The following NSUN7 variants were observed in gnomAD, a reference collection of about 807,000 sequenced individuals.
NSUN7 encodes protein NSUN7.
Under a neutral mutation model 58.5 loss-of-function variants are expected in NSUN7, and 39 were observed. That is an observed-to-expected ratio of 0.67 (90% CI 0.52 to 0.87). The LOEUF (loss-of-function observed/expected upper bound fraction) is 0.87. NSUN7 is among the 40% of genes least tolerant of loss of function. The pLI is 0.00. For missense variants in NSUN7, 765 were observed against 844.1 expected (o/e 0.91, Z 1.16); for synonymous variants, 278 against 303.7 (o/e 0.92, Z 0.88).
chr4:40,786,690 G>A, intron 7 of NSUN7: 1 of 1,577,672 alleles, frequency 6.3e-7, no homozygotes, highest in East Asian at 2.2e-5. Context: ...GAAAAATGTT[G>A]CGGCAACAGA....
At chr4:40,807,236 A>G in intron 11 of NSUN7, 52 bp downstream of exon 11, 2 of 1,489,564 alleles carry the variant, frequency 1.3e-6, no homozygotes, top group South Asian at 2.5e-5. Context: ...AATAAACTAC[A>G]AAGCCTCATA....
intron 7 of NSUN7, chr4:40,786,847 A>G: frequency 1.2e-6 from 1 of 857,828 alleles, no homozygotes; most frequent in Admixed American, 2.9e-5. Context: ...TTTGTTGAAC[A>G]ATCAGATGCC....
chr4:40,787,096 C>A (rs1173505900), intron 7 of NSUN7, among the ~76,000 whole-genome samples: 1 of 148,584 alleles, frequency 6.7e-6, no homozygotes, highest in Non-Finnish European at 1.5e-5. Context: ...ATAAAGATGG[C>A]AGGAATTAAT....
At chr4:40,784,081 C>T (rs1358222580) in intron 7 of NSUN7, among the ~76,000 whole-genome samples, 2 of 152,130 alleles carry the variant, frequency 1.3e-5, no homozygotes, top group Admixed American at 6.5e-5. Context: ...CAAATCAAAA[C>T]CATAATGAAA....
chr4:40,760,399 T>C, intron 2 of NSUN7, 35 bp from the exon 3 acceptor site: 4 of 1,546,970 alleles, frequency 2.6e-6, no homozygotes, highest in Non-Finnish European at 3.6e-6. Context: ...TTCCGCTTTG[T>C]ATTTTCAGTA....
chr4:40,750,996 G>A lies in NSUN7; in HGVS notation c.298+5G>A. The A allele has an allele frequency of 6.2e-7, 1 of 1,611,798 alleles. No homozygotes were observed. The highest frequency in any genetic ancestry group is 8.5e-7 in the Non-Finnish European group (1 of 1,178,138). On this transcript the variant is annotated splice_donor_5th_base_variant and intron_variant, in intron 2 of 11. Transcript: ENST00000381782. ...TGGCTTTCAGTGCCCTGAAATGTGA[G>A]TTGTGCCAGTCTGGAAGATCAACAC...
intron 8 of NSUN7, among the ~76,000 whole-genome samples, chr4:40,792,475 GGA>G (rs1743114938): frequency 1.3e-5 from 2 of 152,224 alleles, no homozygotes; most frequent in African/African-American, 2.4e-5. Flanking sequence ...ATACTGGCCG[GGA>G]GCGGTGGCTC....
chr4:40,774,344 G>A lies in NSUN7; in HGVS notation c.568G>A (p.Glu190Lys). 1 of 1,613,974 alleles carries A rather than the reference G, an allele frequency of 6.2e-7. No homozygotes were observed. Among genetic ancestry groups the A allele is most frequent in the Non-Finnish European group, 8.5e-7 (1 of 1,179,900 alleles). The change falls in exon 5 of 12, where the codon GAA becomes AAA. Residue 190 changes from glutamate (E) to lysine (K), a missense_variant. Physicochemically the swap from Glu to Lys is moderately conservative, Grantham distance 56. Coordinates refer to ENST00000381782, the MANE Select transcript of NSUN7 (RefSeq NM_024677.6). ...DALSIYHILP[E>K]TVRKQELRAS... ...CCTTTCAATTTACCACATCCTTCCA[G>A]AAACAGTTAGGAAACAGGAACTAAG...
In NSUN7 at chr4:40,771,450, C is replaced by T. The variant is rs149590510; in HGVS notation, c.489-2815C>T. Among the ~76,000 whole-genome samples, 1,170 of 152,258 alleles carry T rather than the reference C, an allele frequency of 7.7e-3. 12 individuals carry two copies. Among genetic ancestry groups the T allele is most frequent in the Non-Finnish European group, 0.012 (787 of 68,022 alleles). ...CATGCACGCCAGTTGGGCTTGAACT[C>T]TGCAATCAAATTACCTGAATTCAGA... On this transcript the variant is annotated intron_variant, in intron 4 of 11. Coordinates refer to ENST00000381782, the MANE Select transcript of NSUN7 (RefSeq NM_024677.6).
intron 2 of NSUN7, among the ~76,000 whole-genome samples, chr4:40,754,964 G>A (rs1271810690): frequency 1.3e-5 from 2 of 152,162 alleles, no homozygotes; most frequent in Admixed American, 1.3e-4. Context: ...GAAATGAAGA[G>A]TGCCATTATT....
chr4:40,785,613 G>A (rs1031375702), intron 7 of NSUN7, among the ~76,000 whole-genome samples: 2 of 151,922 alleles, frequency 1.3e-5, no homozygotes, highest in East Asian at 1.9e-4. Flanking sequence ...CACCCGCCTC[G>A]GCCTCCCAAA....
chr4:40,787,044 A>G (rs115192801), intron 7 of NSUN7, among the ~76,000 whole-genome samples: 1,637 of 152,274 alleles, frequency 0.011, 39 homozygotes, highest in African/African-American at 0.036. Context: ...GTGAAAAAAA[A>G]AAAAGAAAAA....
At chr4:40,763,312 C>T (rs1218281239) in intron 4 of NSUN7, among the ~76,000 whole-genome samples, 5 of 152,158 alleles carry the variant, frequency 3.3e-5, no homozygotes, top group Non-Finnish European at 7.3e-5. Flanking sequence ...AAGGATCTTG[C>T]GCCTGTTTAC....
chr4:40,750,642 C>T lies in NSUN7; in HGVS notation c.-52C>T. 1 of 1,583,704 alleles carries T rather than the reference C, an allele frequency of 6.3e-7. No homozygotes were observed. The highest frequency in any genetic ancestry group is 8.6e-7 in the Non-Finnish European group (1 of 1,162,550). On this transcript the variant is annotated 5_prime_UTR_variant, in exon 2 of 12. Transcript: ENST00000381782. Reference sequence around the variant, plus strand: ...ATGCGAGGAAAGCCGTTTCCTGGAACATCGGAATTCTAACCCCAGGGTGAA... The same window carrying T: ...ATGCGAGGAAAGCCGTTTCCTGGAATATCGGAATTCTAACCCCAGGGTGAA...
At chr4:40,760,046 A>G (rs1465009842) in intron 2 of NSUN7, among the ~76,000 whole-genome samples, 1 of 152,214 alleles carries the variant, frequency 6.6e-6, no homozygotes, top group Non-Finnish European at 1.5e-5. Context: ...TCAAAAACAA[A>G]CAAAACCAAA....
intron 10 of NSUN7, among the ~76,000 whole-genome samples, chr4:40,803,084 A>G (rs916002560): frequency 3.3e-5 from 5 of 151,114 alleles, no homozygotes; most frequent in African/African-American, 4.9e-5. Flanking sequence ...ATGATTTCCA[A>G]TTTCATCCAT....
chr4:40,757,891 C>G (rs1235582775), intron 2 of NSUN7, among the ~76,000 whole-genome samples: 1 of 113,056 alleles, frequency 8.8e-6, no homozygotes, highest in Non-Finnish European at 1.9e-5. Flanking sequence ...TCCTGCCTCT[C>G]CTATTCCTGT....
At chr4:40,793,931 C>A (rs946378711) in intron 8 of NSUN7, among the ~76,000 whole-genome samples, 1 of 152,000 alleles carries the variant, frequency 6.6e-6, no homozygotes, top group African/African-American at 2.4e-5. Context: ...TGAATTTTTT[C>A]TTCCAAAGTT....
rs1373954842 is a variant in NSUN7, at chr4:40,750,773, T to C, written c.80T>C (p.Leu27Pro). The C allele has an allele frequency of 1.2e-6, 2 of 1,614,068 alleles. No individual in the cohort carries two copies. The highest frequency in any genetic ancestry group is 1.7e-6 in the Non-Finnish European group (2 of 1,180,040). The part of the protein sequence containing the change: ...EIISQLTSLP[L>P]SGGKSSAGVP... ...ATCTCCCAACTCACTTCCCTGCCTC[T>C]GTCCGGTGGGAAAAGCTCAGCTGGT... The change falls in exon 2 of 12, where the codon CTG becomes CCG. Residue 27 changes from leucine (L) to proline (P), a missense_variant. Physicochemically the swap from Leu to Pro is moderately conservative, Grantham distance 98 (BLOSUM62 -3). Transcript: ENST00000381782.
Sources: gnomAD v4.1 joint callset for allele counts (sites outside exome capture counted in the v4.1 genomes callset) on GRCh38, gnomAD v4.1.1 for gene constraint, MANE v1.5 for transcripts, NCBI Gene and HGNC (gene_info 2026-07-23, HGNC 2026-07-21) for gene names.